MICAL3: variants seen among roughly 807,000 people sequenced by gnomAD.
MICAL3 encodes the protein [F-actin]-monooxygenase MICAL3.
MICAL3 carries 62 observed loss-of-function variants against 207.4 expected under a neutral mutation model. That is an observed-to-expected ratio of 0.30 (90% CI 0.24 to 0.37). MICAL3 has a LOEUF of 0.37. MICAL3 is among the 10% of genes least tolerant of loss of function. The pLI is 1.00. For synonymous variants in MICAL3, 1,077 were observed against 1,069.3 expected (o/e 1.01, Z -0.14); for missense variants, 2,368 against 2,635.6 (o/e 0.90, Z 2.22).
At position 17,790,803 on chromosome 22, in the gene MICAL3, G is replaced by T; in HGVS notation, c.5938C>A (p.Arg1980=). ...LVALLEEQRL[R]EREEDKDLEA... ...AGGTCCTTGTCCTCCTCTCTCTCCC[G>T]GAGCCGCTGCTCCTCCAGCAGCGCC... The change falls in exon 32 of 32, where the codon CGG becomes AGG. Residue 1980 remains arginine (R), a synonymous_variant. Transcript: ENST00000441493. 6.2e-7 allele frequency: 1 copy of T among 1,613,472 alleles called. No individual in the cohort carries two copies. The highest frequency in any genetic ancestry group is 8.5e-7 in the Non-Finnish European group (1 of 1,179,790).
rs1930894946 is a variant in MICAL3 at position 17,896,922 on chromosome 22, G to A, written c.1008C>T (p.Leu336=). The A allele has an allele frequency of 6.2e-6, 10 of 1,613,990 alleles. No homozygotes were observed. The highest frequency in any genetic ancestry group is 5.5e-5 in the South Asian group (5 of 91,082). ...AGTCTGCCGCCTCCCTGGCATAGCT[G>A]AGCAGAGCCTCCTGGTCCACGTTTT... ...SRENVDQEAL[L]SYAREAADFS... Residue 336 remains leucine, a synonymous_variant, in exon 8 of 32, where the codon CTC becomes CTT. Transcript: ENST00000441493.
Position 17,818,370 on chromosome 22 carries a change from G to A in MICAL3, c.4291C>T (p.His1431Tyr). 1.2e-6 allele frequency: 2 copies of A among 1,604,626 alleles called. No homozygotes were observed. Among genetic ancestry groups the A allele is most frequent in the Non-Finnish European group, 1.7e-6 (2 of 1,176,982 alleles). The change falls in exon 26 of 32, where the codon CAC becomes TAC. Residue 1431 changes from histidine to tyrosine, a missense_variant. Transcript: ENST00000441493. ...ELSSSSGLGL[H>Y]GSSSNMKTLG... The stretch of plus-strand genomic sequence containing the variant: ...GTCTTCATGTTGGAGGAGCTCCCGT[G>A]CAGGCCCAGGCCAGAGCTGCTGGAC...
chr22:17,872,017 T>C lies in MICAL3; in HGVS notation c.2248A>G (p.Met750Val). The change falls in exon 17 of 32, where the codon ATG becomes GTG. Residue 750 changes from methionine to valine, a missense_variant. Physicochemically the swap from Met to Val is conservative, Grantham distance 21. Coordinates refer to ENST00000441493, the MANE Select transcript of MICAL3 (RefSeq NM_015241.3). ...QSIGIRRQGS[M>V]KKEFPQNLGG... ...AGGTTCTGCGGGAACTCCTTCTTCA[T>C]GGAGCCCTGCAGGAGGTGGCGGTCG... is the stretch of plus-strand genomic sequence containing the variant. 7 of 1,602,168 alleles carry C rather than the reference T, an allele frequency of 4.4e-6. No homozygotes were observed. Among genetic ancestry groups the C allele is most frequent in the Non-Finnish European group, 6.0e-6 (7 of 1,174,682 alleles).
At chr22:17,886,868 G>A (rs1442416423) in intron 15 of MICAL3, among the ~76,000 whole-genome samples, 1 of 149,064 alleles carries the variant, frequency 6.7e-6, no homozygotes, top group East Asian at 2.0e-4. Context: ...TGCAATCCCA[G>A]CTACTTGGGA....
chr22:17,807,762 G>A (rs2062002824), intron 29 of MICAL3, among the ~76,000 whole-genome samples: 1 of 152,180 alleles, frequency 6.6e-6, no homozygotes, highest in South Asian at 2.1e-4. Context: ...CAGTCTTTGA[G>A]CAAGATCAGA....
chr22:17,876,821 G>A (rs1466345584), intron 16 of MICAL3: 2 of 120,206 alleles, frequency 1.7e-5, no homozygotes, highest in African/African-American at 3.2e-5. Flanking sequence ...GGGAGGTTAG[G>A]GAGGTTATGG....
At chr22:17,906,911 G>C (rs1931761435) in intron 1 of MICAL3, 25 bp from the exon 2 acceptor site, 4 of 1,221,072 alleles carry the variant, frequency 3.3e-6, no homozygotes, top group Non-Finnish European at 4.6e-6. Context: ...GAAAAACGTG[G>C]TTAGCATTTC....
At chr22:17,946,250 T>C (rs993584052) in intron 1 of MICAL3, among the ~76,000 whole-genome samples, 1 of 151,928 alleles carries the variant, frequency 6.6e-6, no homozygotes, top group African/African-American at 2.4e-5. Flanking sequence ...GCTTCGGGGG[T>C]GGGCAGGCAC....
intron 1 of MICAL3, among the ~76,000 whole-genome samples, chr22:17,910,493 AGCAG>A (rs1932057355): frequency 6.6e-6 from 1 of 152,256 alleles, no homozygotes; most frequent in Admixed American, 6.5e-5. Context: ...AGAGCCAACC[AGCAG>A]GCAAGTTTTA....
rs1921150592 is a variant in MICAL3, at chr22:17,817,706, C to T, written c.4955G>A (p.Arg1652His). 5.0e-6 allele frequency: 8 copies of T among 1,598,020 alleles called. No individual in the cohort carries two copies. The highest frequency in any genetic ancestry group is 1.3e-5 in the African/African-American group (1 of 74,292). The change falls in exon 26 of 32, where the codon CGC becomes CAC. Residue 1652 changes from arginine to histidine, a missense_variant. Arg to His is a conservative substitution (Grantham distance 29, BLOSUM62 0). Coordinates refer to ENST00000441493, the MANE Select transcript of MICAL3 (RefSeq NM_015241.3). ...GKERRPDSPTRPTLRGSEEPT... is the reference protein window; with the variant it reads ...GKERRPDSPTHPTLRGSEEPT... ...CTCCTCGGAGCCCCTGAGAGTGGGG[C>T]GTGTGGGGGAGTCAGGCCGGCGCTC...
chr22:17,989,018 C>A (rs1478006502), intron 1 of MICAL3, among the ~76,000 whole-genome samples: 1 of 152,114 alleles, frequency 6.6e-6, no homozygotes, highest in African/African-American at 2.4e-5. Flanking sequence ...GACTCCTCCC[C>A]GGCTGATCTT....
rs1231831629 is a variant in MICAL3, at chr22:17,796,212, C to T, written c.5651-4911G>A. Among the ~76,000 whole-genome samples the T allele has an allele frequency of 6.6e-6, 1 of 152,242 alleles. No homozygotes were observed. Among genetic ancestry groups the T allele is most frequent in the Non-Finnish European group, 1.5e-5 (1 of 68,044 alleles). Reference sequence around the variant, plus strand: ...GCTGCGTCTCCAACACTCGGGGGCACATCTGCTCCATCTTTCCCTCTGAAG... The same window carrying T: ...GCTGCGTCTCCAACACTCGGGGGCATATCTGCTCCATCTTTCCCTCTGAAG... On this transcript the variant is annotated intron_variant, in intron 29 of 31. Coordinates refer to ENST00000441493, the MANE Select transcript of MICAL3 (RefSeq NM_015241.3). The surrounding 1 kb of genome is among the most constrained non-coding windows in gnomAD (Gnocchi z 4.4).
At chr22:17,816,067 GAGCT>G (rs1601957523) in intron 27 of MICAL3, among the ~76,000 whole-genome samples, 1 of 152,202 alleles carries the variant, frequency 6.6e-6, no homozygotes, top group East Asian at 1.9e-4. Context: ...ATACTCCGCA[GAGCT>G]CCGCCCACCC....
At chr22:17,899,702 T>A (rs1931161806) in intron 6 of MICAL3, among the ~76,000 whole-genome samples, 154 bp from the exon 7 acceptor site, 1 of 152,136 alleles carries the variant, frequency 6.6e-6, no homozygotes, top group Non-Finnish European at 1.5e-5. Flanking sequence ...TCCTGTATCA[T>A]CAGTTCATGG....
Position 17,807,259 on chromosome 22 carries a change from C to T in MICAL3, c.5650+1585G>A, listed in dbSNP as rs184844535. ...AGGGCCCCATAGGCCCGGACGCAGT[C>T]GGGCACAGGTGGGCTGGGGCCAACT... On this transcript the variant is annotated intron_variant, in intron 29 of 31. Transcript: ENST00000441493. Among the ~76,000 whole-genome samples the T allele has an allele frequency of 2.0e-4, 31 of 152,318 alleles. No homozygotes were observed. In the East Asian group the frequency reaches 2.1e-3, roughly 10 times the overall value.
chr22:18,011,265 G>A lies in MICAL3; in HGVS notation c.-75+13016C>T, dbSNP rs149510462. ...CCAGCCTTATCAAGAAGAGAAGCTGGCTGGGCGCAGTGGCTCATGCCTGTA... is the reference window on the plus strand; with the variant it reads ...CCAGCCTTATCAAGAAGAGAAGCTGACTGGGCGCAGTGGCTCATGCCTGTA... On this transcript the variant is annotated intron_variant, in intron 1 of 31. Coordinates refer to ENST00000441493, the MANE Select transcript of MICAL3 (RefSeq NM_015241.3). Among the ~76,000 whole-genome samples, 4 of 152,358 alleles carry A rather than the reference G, an allele frequency of 2.6e-5. No homozygotes were observed. The East Asian group carries it at 7.7e-4, about 29-fold the overall frequency.
intron 19 of MICAL3, among the ~76,000 whole-genome samples, chr22:17,847,168 C>T (rs1271224768): frequency 1.3e-5 from 2 of 152,178 alleles, no homozygotes; most frequent in African/African-American, 2.4e-5. Context: ...CCCCCCTGTA[C>T]TCGGCACAGC....
intron 1 of MICAL3, among the ~76,000 whole-genome samples, chr22:17,910,534 T>G (rs192689729): frequency 1.4e-4 from 21 of 152,310 alleles, no homozygotes; most frequent in African/African-American, 4.8e-4. Context: ...GATTTCGACC[T>G]GCAGGGCACT....
chr22:17,945,439 A>G (rs1934018186), intron 1 of MICAL3, among the ~76,000 whole-genome samples: 1 of 152,194 alleles, frequency 6.6e-6, no homozygotes, highest in Admixed American at 6.5e-5. Context: ...ACCCCTGCAC[A>G]GGCCCTGTGG....
Sources: allele counts gnomAD v4.1 joint callset (sites outside exome capture counted in the v4.1 genomes callset), GRCh38; gene constraint gnomAD v4.1.1; non-coding constraint Gnocchi (gnomAD v3.1); transcripts MANE v1.5; gene names NCBI Gene and HGNC (gene_info 2026-07-23, HGNC 2026-07-21).